The following FLT4 variants were observed in gnomAD, a reference collection of about 807,000 sequenced individuals.
FLT4 encodes fms related receptor tyrosine kinase 4.
FLT4 carries 30 observed loss-of-function variants against 163.2 expected under a neutral mutation model. The observed-to-expected ratio is 0.18, with a 90% CI of 0.14 to 0.25. The LOEUF is 0.25. Ranked by LOEUF, FLT4 falls within the 10% of genes least tolerant of loss-of-function variation. FLT4 has a pLI of 1.00. For missense variants in FLT4, 1,510 were observed against 1,863.8 expected (o/e 0.81, Z 3.50); for synonymous variants, 884 against 789.5 (o/e 1.12, Z -2.01).
rs756234174 is a variant in FLT4, at chr5:180,630,627, C to A, written c.328G>T (p.Val110Phe). 6.2e-7 allele frequency: 1 copy of A among 1,613,124 alleles called. No homozygotes were observed. Among genetic ancestry groups the A allele is most frequent in the Non-Finnish European group, 8.5e-7 (1 of 1,179,994 alleles). Residue 110 changes from valine to phenylalanine, a missense_variant, in exon 3 of 30, where the codon GTC becomes TTC. Coordinates refer to ENST00000261937, the MANE Select transcript of FLT4 (RefSeq NM_182925.5). This position sits in a 1 kb window ranked among gnomAD's most constrained non-coding sequence, Gnocchi z 6.3. ...GCCTTGATGTACTTGTAGTAGCAGA[C>A]GTAGCTGCCTGTGTCGTTGGCATGT... ...EVHANDTGSYVCYYKYIKARI... is the reference protein window; with the variant it reads ...EVHANDTGSYFCYYKYIKARI...
intron 24 of FLT4, 21 bp from the exon 25 acceptor site, chr5:180,613,131 TG>T: frequency 1.9e-6 from 3 of 1,577,610 alleles, no homozygotes; most frequent in Non-Finnish European, 2.6e-6. Flanking sequence ...GAAGGGGAGG[TG>T]GGTGGGGAGC....
At chr5:180,649,441 C>T (rs1765641208) in intron 1 of FLT4, 47 bp downstream of exon 1, 1 of 1,402,640 alleles carries the variant, frequency 7.1e-7, no homozygotes, top group Non-Finnish European at 9.4e-7. Flanking sequence ...GTACCCCCTC[C>T]CCGGCCAGCC....
At chr5:180,631,326 AGCC>A (rs1764124764) in intron 2 of FLT4, among the ~76,000 whole-genome samples, 1 of 152,062 alleles carries the variant, frequency 6.6e-6, no homozygotes, top group Non-Finnish European at 1.5e-5. Flanking sequence ...ACAAAAAATT[AGCC>A]GGGCGTGGTG....
rs1408435955 is a variant in FLT4 at position 180,613,165 on chromosome 5, GCCC to G, written c.3332-58_3332-56del. ...AGCAAGCCTCCTGCGGCTCAGCCCA[GCCC>G]CCCAAGTCACCCCATCCTGTCCCTT... is the stretch of plus-strand genomic sequence containing the variant. On this transcript the variant is annotated intron_variant, in intron 24 of 29. Transcript: ENST00000261937. 1.2e-5 allele frequency: 16 copies of G among 1,304,756 alleles called. No individual in the cohort carries two copies. In the East Asian group the frequency reaches 2.1e-4, roughly 17 times the overall value. The allele number at this position is 1,304,756 out of a possible 1,614,324, so 80.8% of individuals were successfully genotyped here.
Position 180,630,930 on chromosome 5 carries a change from G to A in FLT4, c.156-131C>T, listed in dbSNP as rs1440386121. 2.8e-5 allele frequency: 31 copies of A among 1,124,332 alleles called. No individual in the cohort carries two copies. The highest frequency in any genetic ancestry group is 7.9e-5 in the South Asian group (5 of 63,046). 69.6% of individuals were successfully genotyped at this position (1,124,332 alleles called of 1,614,324 possible). ...GCATGGAACTGCCCAGGGTTTGGGC[G>A]CACACTACAGACCGTGCCCAGGGCA... On this transcript the variant is annotated intron_variant, in intron 2 of 29. Transcript: ENST00000261937. The surrounding 1 kb of genome is among the most constrained non-coding windows in gnomAD (Gnocchi z 6.3).
chr5:180,620,879 C>G lies in FLT4; in HGVS notation c.2296G>C (p.Glu766Gln). 2.5e-6 allele frequency: 4 copies of G among 1,609,682 alleles called. No homozygotes were observed. Among genetic ancestry groups the G allele is most frequent in the Middle Eastern group, 2.0e-4 (1 of 5,124 alleles). Residue 766 changes from glutamate (E) to glutamine (Q), a missense_variant, in exon 15 of 30, where the codon GAA becomes CAA. By Grantham distance (29) the Glu-to-Gln change is conservative. Around this residue, in one of 5 missense-constraint regions of FLT4, gnomAD observed 878 missense variants for 1,016.7 expected, o/e 0.86. Transcript: ENST00000261937. This position sits in a 1 kb window ranked among gnomAD's most constrained non-coding sequence, Gnocchi z 4.4. ...GGGGTGCAGCCTGAGGCCAGACCTT[C>G]CACGGCCACGCTGGCGGAGGAGTTG... is the stretch of plus-strand genomic sequence containing the variant. ...CVNSSASVAV[E>Q]GSEDKGSMEI...
At chr5:180,606,615 A>C (rs2127784712) in intron 29 of FLT4, among the ~76,000 whole-genome samples, 2 of 152,344 alleles carry the variant, frequency 1.3e-5, no homozygotes, top group Non-Finnish European at 2.9e-5. Context: ...TAGAGGTTTG[A>C]ATTTACGTGG....
At position 180,601,943 on chromosome 5, in the gene FLT4, TC is replaced by T. The variant is rs1271775658; in HGVS notation, c.*1248del. On this transcript the variant is annotated 3_prime_UTR_variant, in exon 30 of 30. Coordinates refer to ENST00000261937, the MANE Select transcript of FLT4 (RefSeq NM_182925.5). ...TCAGGGTGGTGGTCAGTCTCCGTGGTCCTAACGTGGGGATGTGGCTCTTTCT... is the reference window on the plus strand; with the variant it reads ...TCAGGGTGGTGGTCAGTCTCCGTGGTCTAACGTGGGGATGTGGCTCTTTCT... 4 of 233,544 alleles carry T rather than the reference TC, an allele frequency of 1.7e-5. No homozygotes were observed. The highest frequency in any genetic ancestry group is 8.4e-6 in the Non-Finnish European group (1 of 118,352). The allele number at this position is 233,544 out of a possible 1,614,324, so 14.5% of individuals were successfully genotyped here.
rs1312968474 is a variant in FLT4 at position 180,616,402 on chromosome 5, T to C, written c.3184A>G (p.Ile1062Val). 6.2e-6 allele frequency: 10 copies of C among 1,614,032 alleles called. No individual in the cohort carries two copies. Among genetic ancestry groups the C allele is most frequent in the East Asian group, 2.2e-5 (1 of 44,892 alleles). ...CGGACGTAGTCGGGGTCTTTGTAGA[T>C]GTCCCGGGCAAGGCCAAAGTCACAG... Reference protein sequence around the residue: ...KICDFGLARDIYKDPDYVRKG... With the variant: ...KICDFGLARDVYKDPDYVRKG... Residue 1062 changes from isoleucine (I) to valine (V), a missense_variant, in exon 23 of 30, where the codon ATC (isoleucine) becomes GTC (valine). By Grantham distance (29) the Ile-to-Val change is conservative. This residue lies in a region of FLT4 where 878 missense variants were observed against 1,016.7 expected (regional missense o/e 0.86). Transcript: ENST00000261937.
rs182831146 is a variant in FLT4, at chr5:180,640,890, T to C, written c.58+8598A>G. Among the ~76,000 whole-genome samples, 822 of 152,254 alleles carry C rather than the reference T, an allele frequency of 5.4e-3. 8 individuals carry two copies. The highest frequency in any genetic ancestry group is 0.027 in the Middle Eastern group (8 of 294). ...GGTCCCGGCCCTCTCTACGGGGCAG[T>C]GTGGGTGAGCGCTGGCCTTAGCTGG... On this transcript the variant is annotated intron_variant, in intron 1 of 29. Coordinates refer to ENST00000261937, the MANE Select transcript of FLT4 (RefSeq NM_182925.5).
chr5:180,640,578 G>T (rs1311379556), intron 1 of FLT4, among the ~76,000 whole-genome samples: 1 of 152,256 alleles, frequency 6.6e-6, no homozygotes, highest in Non-Finnish European at 1.5e-5. Context: ...CTGGCTTCAT[G>T]CCCTAGTTGG....
Position 180,636,659 on chromosome 5 carries a change from C to A in FLT4, c.59-4881G>T, listed in dbSNP as rs1484375658. On this transcript the variant is annotated intron_variant, in intron 1 of 29. Coordinates refer to ENST00000261937, the MANE Select transcript of FLT4 (RefSeq NM_182925.5). This position sits in a 1 kb window ranked among gnomAD's most constrained non-coding sequence, Gnocchi z 4.3. ...CCCCTGCACGGCCCTCACATCTTCT[C>A]CTCCTGAATCACTCAGTTCTGTGGG... Among the ~76,000 whole-genome samples, 1 of 151,654 alleles carries A rather than the reference C, an allele frequency of 6.6e-6. No homozygotes were observed. The highest frequency in any genetic ancestry group is 1.5e-5 in the Non-Finnish European group (1 of 67,992).
chr5:180,615,001 G>T (rs1762527873), intron 23 of FLT4, among the ~76,000 whole-genome samples: 1 of 152,106 alleles, frequency 6.6e-6, no homozygotes, highest in Non-Finnish European at 1.5e-5. Context: ...CACCAAGCGG[G>T]TCCATCTCCA....
chr5:180,649,624 T>TGGGGCGGGGCGGGGCGGGGCGGGGG (rs1765652284), upstream of FLT4: 1 of 642,468 alleles, frequency 1.6e-6, no homozygotes, highest in African/African-American at 2.0e-5. Flanking sequence ...CCGGCTGGCC[T>TGGGGCGGGGCGGGGCGGGGCGGGGG]GGGGCGGGGC....
intron 29 of FLT4, among the ~76,000 whole-genome samples, chr5:180,605,326 T>C (rs1418442545): frequency 1.3e-5 from 2 of 152,212 alleles, no homozygotes; most frequent in Non-Finnish European, 2.9e-5. Context: ...ATCATCACAT[T>C]GTCCGTCCAT....
At position 180,637,481 on chromosome 5, in the gene FLT4, G is replaced by A. The variant is rs114310060; in HGVS notation, c.59-5703C>T. 3.8e-3 allele frequency among the ~76,000 whole-genome samples: 585 copies of A among 152,218 alleles called. 3 individuals carry two copies. Among genetic ancestry groups the A allele is most frequent in the African/African-American group, 0.013 (549 of 41,536 alleles). On this transcript the variant is annotated intron_variant, in intron 1 of 29. Transcript: ENST00000261937. ...ATCGTGCCCAGGGTCCCCCCACCAC[G>A]GATTTCTCTTCTAATCACCAGTCTT...
At position 180,641,448 on chromosome 5, in the gene FLT4, C is replaced by G. The variant is rs755628963; in HGVS notation, c.58+8040G>C. ...GCTTGGGAAGACGGGGACTGTGTGG[C>G]AGGCCTGCCAGCTGGACACACACTT... On this transcript the variant is annotated intron_variant, in intron 1 of 29. Transcript: ENST00000261937. Among the ~76,000 whole-genome samples the G allele has an allele frequency of 1.0e-3, 154 of 152,362 alleles. 3 individuals carry two copies. The highest frequency in any genetic ancestry group is 1.6e-3 in the Admixed American group (25 of 15,312).
chr5:180,614,047 G>C (rs1561701580), intron 24 of FLT4, 21 bp downstream of exon 24: 1 of 1,546,734 alleles, frequency 6.5e-7, no homozygotes, highest in African/African-American at 1.4e-5. Flanking sequence ...TCTCCCCACC[G>C]GCACCCCATC....
At chr5:180,645,734 G>A (rs896657552) in intron 1 of FLT4, among the ~76,000 whole-genome samples, 4 of 152,146 alleles carry the variant, frequency 2.6e-5, no homozygotes, top group African/African-American at 4.8e-5. Context: ...ATGAATGCCC[G>A]CATCTTCCTG....
Sources: gnomAD v4.1 joint callset for allele counts (sites outside exome capture counted in the v4.1 genomes callset) on GRCh38, gnomAD v4.1.1 for gene constraint, gnomAD v4.1.1 regional missense constraint, Gnocchi (gnomAD v3.1) non-coding constraint, MANE v1.5 for transcripts, NCBI Gene and HGNC (gene_info 2026-07-23, HGNC 2026-07-21) for gene names.